Variants in DNAJB13 observed in about 807,000 individuals in gnomAD.
DNAJB13 encodes the protein DnaJ heat shock protein family (Hsp40) member B13.
DNAJB13 carries 22 observed loss-of-function variants against 35.6 expected under a neutral mutation model. The ratio of observed to expected loss-of-function variants is 0.62; its 90% CI spans 0.44 to 0.88. The LOEUF (loss-of-function observed/expected upper bound fraction) is 0.88, where lower values mean the gene tolerates loss of function less well. Among genes scored for constraint, DNAJB13 ranks in the 40% least tolerant of loss-of-function variants. The pLI is 0.00. For synonymous variants in DNAJB13, 136 were observed against 144.2 expected (o/e 0.94, Z 0.41); for missense variants, 370 against 384.3 (o/e 0.96, Z 0.31).
Position 73,970,263 on chromosome 11 carries a change from A to T in DNAJB13, c.*149A>T, listed in dbSNP as rs1951244354. Reference sequence around the variant, plus strand: ...CAGGGCTTAAACTGACATAATAAAGATCTATTTCCTGTCCTCCAGCTACAC... The same window carrying T: ...CAGGGCTTAAACTGACATAATAAAGTTCTATTTCCTGTCCTCCAGCTACAC... On this transcript the variant is annotated 3_prime_UTR_variant, in exon 8 of 8. Coordinates refer to ENST00000339764, the MANE Select transcript of DNAJB13 (RefSeq NM_153614.4). 7.9e-6 allele frequency: 8 copies of T among 1,009,418 alleles called. No individual in the cohort carries two copies. In the South Asian group the frequency reaches 1.7e-4, roughly 21 times the overall value. 62.5% of individuals were successfully genotyped at this position (1,009,418 alleles called of 1,614,324 possible).
intron 1 of DNAJB13, among the ~76,000 whole-genome samples, chr11:73,951,406 C>T (rs1950581905): frequency 1.3e-5 from 2 of 152,296 alleles, no homozygotes; most frequent in South Asian, 4.1e-4. Flanking sequence ...CTTTTCCCAG[C>T]AATGAAGTGG....
intron 6 of DNAJB13, 73 bp from the exon 7 acceptor site, chr11:73,969,173 C>A: frequency 1.4e-6 from 1 of 723,140 alleles, no homozygotes; most frequent in South Asian, 1.9e-5. Flanking sequence ...TGGACAGGTT[C>A]CTAAGGTGCC....
chr11:73,964,414 G>A (rs1951020483), intron 3 of DNAJB13: 2 of 185,806 alleles, frequency 1.1e-5, no homozygotes, highest in Non-Finnish European at 2.3e-5. Flanking sequence ...GGGTTATGGA[G>A]TCTGGGGAAG....
intron 1 of DNAJB13, among the ~76,000 whole-genome samples, chr11:73,952,300 G>C (rs1255243544): frequency 1.3e-5 from 2 of 152,314 alleles, no homozygotes; most frequent in African/African-American, 4.8e-5. Context: ...GAAAAGAGGA[G>C]TCCAGGATAA....
At position 73,968,174 on chromosome 11, in the gene DNAJB13, G is replaced by A. The variant is rs2306817; in HGVS notation, c.607-171G>A. ...GGGGATTCATTTGGGTAAGCTTCTC[G>A]GGCTTCTAATCCATCTGGGCTATGG... On this transcript the variant is annotated intron_variant, in intron 5 of 7. Transcript: ENST00000339764. 3.2e-5 allele frequency: 20 copies of A among 622,256 alleles called. No individual in the cohort carries two copies. In the East Asian group the frequency reaches 5.2e-4, roughly 16 times the overall value. 38.5% of individuals were successfully genotyped at this position (622,256 alleles called of 1,614,324 possible). A position where few individuals can be genotyped will look rare whatever the true frequency, so the allele number is the denominator to read the frequency against.
intron 2 of DNAJB13, among the ~76,000 whole-genome samples, chr11:73,958,945 C>T (rs941732385): frequency 1.3e-5 from 2 of 152,146 alleles, no homozygotes; most frequent in African/African-American, 4.8e-5. Context: ...CACCCAGGGC[C>T]GTCCTGCGGG....
At position 73,964,794 on chromosome 11, in the gene DNAJB13, TGTGTGTGTGTGTGTGTGTGC is replaced by T. The variant is rs775356508; in HGVS notation, c.335-82_335-63del. ...GTGTGTGTGTGTGTGTGTGTGTGTG[TGTGTGTGTGTGTGTGTGTGC>T]GCGCGCGCGCATGTCTGGGTCTCTG... is the stretch of plus-strand genomic sequence containing the variant. On this transcript the variant is annotated intron_variant, in intron 3 of 7. Coordinates refer to ENST00000339764, the MANE Select transcript of DNAJB13 (RefSeq NM_153614.4). 5.5e-4 allele frequency: 526 copies of T among 957,728 alleles called. 12 individuals are homozygous for T. In the African/African-American group the frequency reaches 0.01, roughly 19 times the overall value. 59.3% of individuals were successfully genotyped at this position (957,728 alleles called of 1,614,324 possible).
intron 3 of DNAJB13, chr11:73,964,495 C>T (rs1350887217): frequency 1.6e-5 from 4 of 257,674 alleles, no homozygotes; most frequent in African/African-American, 7.1e-5. Context: ...CACTCCTGAG[C>T]GCGGCCACCA....
Position 73,966,211 on chromosome 11 carries a change from GGC to G in DNAJB13, c.567_568del (p.Gln190GlyfsTer7). On this transcript the variant is annotated frameshift_variant, in exon 5 of 8. Coordinates refer to ENST00000339764, the MANE Select transcript of DNAJB13 (RefSeq NM_153614.4). LOFTEE classifies it high-confidence loss of function. ...ACCATTGATGTGAAGCCCGGTTGGA[GGC>G]AGGGCACACGCATCACCTTTGAGAA... 6.2e-7 allele frequency: 1 copy of G among 1,613,846 alleles called. No homozygotes were observed.
chr11:73,966,235 A>G lies in DNAJB13; in HGVS notation c.590A>G (p.Glu197Gly). 4 of 1,613,030 alleles carry G rather than the reference A, an allele frequency of 2.5e-6. No individual in the cohort carries two copies. Among genetic ancestry groups the G allele is most frequent in the Non-Finnish European group, 3.4e-6 (4 of 1,179,662 alleles). The change falls in exon 5 of 8, where the codon GAG becomes GGG. Residue 197 changes from glutamate to glycine, a missense_variant. Transcript: ENST00000339764. Reference protein sequence around the residue: ...GWRQGTRITFEKEGDQGPNII... With the variant: ...GWRQGTRITFGKEGDQGPNII... ...AGGCAGGGCACACGCATCACCTTTG[A>G]GAAGGAAGGGGACCAGGTGAGGGGG...
chr11:73,958,901 C>T (rs1252315450), intron 2 of DNAJB13, among the ~76,000 whole-genome samples: 1 of 152,142 alleles, frequency 6.6e-6, no homozygotes, highest in African/African-American at 2.4e-5. Flanking sequence ...CTAGGGAAAC[C>T]AGCAGAGTGA....
At chr11:73,963,185 A>G (rs1950980477) in intron 3 of DNAJB13, among the ~76,000 whole-genome samples, 1 of 151,798 alleles carries the variant, frequency 6.6e-6, no homozygotes, top group Admixed American at 6.6e-5. Flanking sequence ...AACAAACAAA[A>G]ACAAAAAAAC....
In DNAJB13 at chr11:73,966,179, G is replaced by A. The variant is rs768692882; in HGVS notation, c.534G>A (p.Lys178=). 1 of 1,613,864 alleles carries A rather than the reference G, an allele frequency of 6.2e-7. No homozygotes were observed. The change falls in exon 5 of 8, where the codon AAG becomes AAA. Residue 178 remains lysine, a synonymous_variant. Transcript: ENST00000339764. ...EDGYSSTIKD[K]ILTIDVKPGW... ...GGTACTCCTCCACCATCAAGGACAA[G>A]ATCCTGACCATTGATGTGAAGCCCG...
chr11:73,960,746 A>G (rs1950911430), intron 3 of DNAJB13, among the ~76,000 whole-genome samples: 1 of 152,190 alleles, frequency 6.6e-6, no homozygotes, highest in Non-Finnish European at 1.5e-5. Flanking sequence ...GAAGCCTTTT[A>G]TTAAGGAAAT....
At chr11:73,967,090 T>C (rs1342407931) in intron 5 of DNAJB13, among the ~76,000 whole-genome samples, 2 of 152,124 alleles carry the variant, frequency 1.3e-5, no homozygotes, top group Admixed American at 1.3e-4. Context: ...TGACCTCAGG[T>C]GATCCACCTG....
intron 1 of DNAJB13, among the ~76,000 whole-genome samples, chr11:73,957,172 G>A (rs1950771703): frequency 6.6e-6 from 1 of 152,210 alleles, no homozygotes; most frequent in East Asian, 1.9e-4. Context: ...CCTTCCACAT[G>A]GAGCCGGCCC....
At chr11:73,962,402 A>G (rs1347488807) in intron 3 of DNAJB13, among the ~76,000 whole-genome samples, 1 of 9,538 alleles carries the variant, frequency 1.0e-4, no homozygotes, top group Non-Finnish European at 2.1e-4. Context: ...AGACGAGCAC[A>G]TGGTGGGTGG....
chr11:73,955,531 A>G (rs1240369283), intron 1 of DNAJB13, among the ~76,000 whole-genome samples: 1 of 151,450 alleles, frequency 6.6e-6, no homozygotes, highest in Non-Finnish European at 1.5e-5. Flanking sequence ...CTGGTCTCGA[A>G]CTCCTGATCT....
rs1432113871 is a variant in DNAJB13, at chr11:73,964,879, G to T, written c.336G>T (p.Glu112Asp). Residue 112 changes from glutamate (E) to aspartate (D), a missense_variant and splice_region_variant, in exon 4 of 8, where the codon GAG becomes GAT. Transcript: ENST00000339764. The stretch of plus-strand genomic sequence containing the variant: ...TACTCCTCTCCCTACCTCCTGCAGA[G>T]TTTTTTGATGCAGAAGGAAGTGAGG... ...EFFGGNNPFS[E>D]FFDAEGSEVD... is the part of the protein sequence containing the mutation. 1.2e-6 allele frequency: 2 copies of T among 1,612,002 alleles called. No homozygotes were observed. The highest frequency in any genetic ancestry group is 2.7e-5 in the African/African-American group (2 of 74,660).
Sources: allele counts gnomAD v4.1 joint callset (sites outside exome capture counted in the v4.1 genomes callset), GRCh38; gene constraint gnomAD v4.1.1; transcripts MANE v1.5; gene names NCBI Gene and HGNC (gene_info 2026-07-23, HGNC 2026-07-21).